Variants in PPP2R5E observed in about 807,000 individuals in gnomAD.
PPP2R5E encodes the protein serine/threonine-protein phosphatase 2A 56 kDa regulatory subunit epsilon isoform.
In PPP2R5E, 4 loss-of-function variants were observed where a neutral mutation model predicts 65.3. The ratio of observed to expected loss-of-function variants is 0.06; its 90% confidence interval spans 0.03 to 0.14. The LOEUF is 0.14. Among genes scored for constraint, PPP2R5E ranks in the 10% least tolerant of loss-of-function variants. PPP2R5E has a pLI of 1.00. For synonymous variants in PPP2R5E, 183 were observed against 187.4 expected (o/e 0.98, Z 0.19); for missense variants, 274 against 556.1 (o/e 0.49, Z 5.10).
At chr14:63,532,802 T>C (rs1268913001) in intron 2 of PPP2R5E, among the ~76,000 whole-genome samples, 2 of 152,206 alleles carry the variant, frequency 1.3e-5, no homozygotes, top group African/African-American at 2.4e-5. Flanking sequence ...ACATGGAGTG[T>C]AGTAACCACT....
chr14:63,422,618 CG>C (rs1393254782), intron 3 of PPP2R5E, among the ~76,000 whole-genome samples: 1 of 149,634 alleles, frequency 6.7e-6, no homozygotes, highest in Non-Finnish European at 1.5e-5. Flanking sequence ...CCCAGCTATG[CG>C]GGAGGCTGAG....
At chr14:63,498,060 A>G (rs1312406576) in intron 2 of PPP2R5E, among the ~76,000 whole-genome samples, 2 of 152,238 alleles carry the variant, frequency 1.3e-5, no homozygotes, top group Non-Finnish European at 2.9e-5. Flanking sequence ...TTTGAGCATG[A>G]TGTCAATTCA....
intron 2 of PPP2R5E, among the ~76,000 whole-genome samples, chr14:63,471,250 T>G (rs1300960861): frequency 6.6e-6 from 1 of 152,252 alleles, no homozygotes; most frequent in African/African-American, 2.4e-5. Flanking sequence ...ACCTCATTCA[T>G]ACAACTCTCA....
chr14:63,375,030 G>A lies in PPP2R5E; in HGVS notation c.*979C>T, dbSNP rs1883910238. The A allele has an allele frequency of 6.6e-6, 1 of 152,496 alleles. No individual in the cohort carries two copies. Among genetic ancestry groups the A allele is most frequent in the East Asian group, 1.9e-4 (1 of 5,196 alleles). The allele number at this position is 152,496 out of a possible 1,614,324, so 9.4% of individuals were successfully genotyped here. ...ATACTTTATAAATACATATTAAAAAGTAAGGCAACAACTCCAAACAGTCCA... is the reference window on the plus strand; with the variant it reads ...ATACTTTATAAATACATATTAAAAAATAAGGCAACAACTCCAAACAGTCCA... On this transcript the variant is annotated 3_prime_UTR_variant, in exon 14 of 14. Coordinates refer to ENST00000337537, the MANE Select transcript of PPP2R5E (RefSeq NM_006246.5).
At chr14:63,409,578 T>C (rs184988652) in intron 5 of PPP2R5E, among the ~76,000 whole-genome samples, 6 of 152,360 alleles carry the variant, frequency 3.9e-5, no homozygotes, top group Admixed American at 3.9e-4. Context: ...TCTCATTTTA[T>C]CTCATAACAA....
intron 5 of PPP2R5E, among the ~76,000 whole-genome samples, chr14:63,406,150 G>T (rs903877659): frequency 1.3e-5 from 2 of 152,154 alleles, no homozygotes; most frequent in African/African-American, 4.8e-5. Context: ...AGTGACTCAC[G>T]CCTGTAATCC....
chr14:63,504,292 A>G (rs1892051257), intron 2 of PPP2R5E, among the ~76,000 whole-genome samples: 1 of 152,192 alleles, frequency 6.6e-6, no homozygotes. Flanking sequence ...CCACCCAAGA[A>G]GTCAATTGGC....
At chr14:63,443,579 C>A (rs1401869474) in intron 3 of PPP2R5E, among the ~76,000 whole-genome samples, 3 of 152,160 alleles carry the variant, frequency 2.0e-5, no homozygotes, top group African/African-American at 7.2e-5. Context: ...CAATGATTCA[C>A]TGGTATCATC....
At position 63,463,439 on chromosome 14, in the gene PPP2R5E, A is replaced by C. The variant is rs1594901616; in HGVS notation, c.158-9554T>G. ...CAGGCAAGACAGTTTTTAATGACCC[A>C]ATATGTATAAATATAAGAAGGAGTG... On this transcript the variant is annotated intron_variant, in intron 2 of 13. Coordinates refer to ENST00000337537, the MANE Select transcript of PPP2R5E (RefSeq NM_006246.5). Among the ~76,000 whole-genome samples, 3 of 151,476 alleles carry C rather than the reference A, an allele frequency of 2.0e-5. No individual in the cohort carries two copies. The East Asian group carries it at 6.0e-4, about 30-fold the overall frequency.
chr14:63,488,391 C>T (rs1316074670), intron 2 of PPP2R5E, among the ~76,000 whole-genome samples: 1 of 152,010 alleles, frequency 6.6e-6, no homozygotes, highest in East Asian at 1.9e-4. Flanking sequence ...TTTGTAGAGA[C>T]AGGGTCTTGC....
intron 7 of PPP2R5E, 76 bp from the exon 8 acceptor site, chr14:63,394,004 A>G: frequency 1.2e-6 from 1 of 824,798 alleles, no homozygotes; most frequent in Admixed American, 2.0e-5. Flanking sequence ...TGTGATATTA[A>G]TTAAACTTAA....
At chr14:63,503,583 ACAC>A (rs1320610815) in intron 2 of PPP2R5E, among the ~76,000 whole-genome samples, 1 of 152,174 alleles carries the variant, frequency 6.6e-6, no homozygotes, top group African/African-American at 2.4e-5. Context: ...AGGGCAAAAA[ACAC>A]CACATTTATA....
chr14:63,404,009 T>C (rs942611733), intron 5 of PPP2R5E, among the ~76,000 whole-genome samples: 4 of 152,126 alleles, frequency 2.6e-5, no homozygotes, highest in African/African-American at 4.8e-5. Flanking sequence ...AATAGCAGTA[T>C]AAGCATGCTG....
intron 8 of PPP2R5E, among the ~76,000 whole-genome samples, chr14:63,392,503 T>C (rs1048084659): frequency 6.6e-6 from 1 of 152,166 alleles, no homozygotes; most frequent in Non-Finnish European, 1.5e-5. Context: ...CACGAGGAGA[T>C]AAAAGGTTGT....
chr14:63,487,008 T>C (rs1046394805), intron 2 of PPP2R5E, among the ~76,000 whole-genome samples: 3 of 152,222 alleles, frequency 2.0e-5, no homozygotes, highest in Non-Finnish European at 4.4e-5. Context: ...TGTAGTCCTA[T>C]GAGACCAGCA....
chr14:63,541,880 T>A (rs1212248962), intron 1 of PPP2R5E, among the ~76,000 whole-genome samples: 1 of 152,206 alleles, frequency 6.6e-6, no homozygotes, highest in East Asian at 1.9e-4. Flanking sequence ...ATGTGATGGA[T>A]TCAAAATAGA....
chr14:63,400,598 G>C (rs1885691261), intron 5 of PPP2R5E, among the ~76,000 whole-genome samples: 1 of 148,984 alleles, frequency 6.7e-6, no homozygotes, highest in Admixed American at 6.8e-5. Context: ...ACACATTGTT[G>C]AACAATTTTG....
Position 63,437,909 on chromosome 14 carries a change from C to T in PPP2R5E, c.354+15780G>A, listed in dbSNP as rs1888024049. ...GTGTGCCACTCCTGACCCTCCTCAC[C>T]ATGACCCCACCAGCTGTCCCTCTCC... On this transcript the variant is annotated intron_variant, in intron 3 of 13. Coordinates refer to ENST00000337537, the MANE Select transcript of PPP2R5E (RefSeq NM_006246.5). Among the ~76,000 whole-genome samples the T allele has an allele frequency of 2.0e-5, 3 of 152,118 alleles. No individual in the cohort carries two copies. The South Asian group carries it at 6.2e-4, about 32-fold the overall frequency.
At chr14:63,507,146 G>A (rs974840723) in intron 2 of PPP2R5E, among the ~76,000 whole-genome samples, 1 of 152,204 alleles carries the variant, frequency 6.6e-6, no homozygotes, top group Admixed American at 6.5e-5. Flanking sequence ...GGGGGCACAA[G>A]GGAGGATCTC....
Sources: allele counts gnomAD v4.1 joint callset (sites outside exome capture counted in the v4.1 genomes callset), GRCh38; gene constraint gnomAD v4.1.1; transcripts MANE v1.5; gene names NCBI Gene and HGNC (gene_info 2026-07-23, HGNC 2026-07-21).